The following FGF12 variants were observed in gnomAD, a reference collection of about 807,000 sequenced individuals.
FGF12 encodes fibroblast growth factor 12B.
Under a neutral mutation model 23.6 loss-of-function variants are expected in FGF12, and 14 were observed. That is an observed-to-expected ratio of 0.59 (90% CI 0.39 to 0.93). FGF12 has a LOEUF of 0.93. Among genes scored for constraint, FGF12 ranks in the 40% least tolerant of loss-of-function variants. FGF12 has a pLI of 0.00. For missense variants in FGF12, 175 were observed against 217.8 expected, an observed-to-expected ratio of 0.80 and a Z score of 1.24; for synonymous variants, 62 against 77.3, an observed-to-expected ratio of 0.80 and a Z score of 1.04.
At chr3:192,195,944 G>A (rs1397366663) in intron 4 of FGF12, among the ~76,000 whole-genome samples, 1 of 152,116 alleles carries the variant, frequency 6.6e-6, no homozygotes, top group Non-Finnish European at 1.5e-5. Flanking sequence ...CTATAGAAGA[G>A]ATCTCTTGAA....
intron 2 of FGF12, among the ~76,000 whole-genome samples, chr3:192,519,838 T>C (rs570946647): frequency 6.6e-6 from 1 of 152,386 alleles, no homozygotes; most frequent in Admixed American, 6.5e-5. Context: ...AATCCAATAC[T>C]ATCATTATTT....
intron 2 of FGF12, among the ~76,000 whole-genome samples, chr3:192,494,684 C>T (rs979378535): frequency 2.6e-5 from 4 of 152,104 alleles, no homozygotes; most frequent in Admixed American, 2.6e-4. Context: ...ATGGTACAAC[C>T]TACTGTATCA....
Position 192,334,276 on chromosome 3 carries a change from T to C in FGF12, c.228+1085A>G, listed in dbSNP as rs1717278351. Among the ~76,000 whole-genome samples, 4 of 152,062 alleles carry C rather than the reference T, an allele frequency of 2.6e-5. No individual in the cohort carries two copies. The South Asian group carries it at 8.3e-4, about 31-fold the overall frequency. ...TTCTGTGCAGCATGTAAAAACACCA[T>C]ATTTGAGAGTATCAATTTCTGAGCT... On this transcript the variant is annotated intron_variant, in intron 4 of 5. Transcript: ENST00000445105.
At chr3:192,717,453 A>C (rs1045075342) in intron 2 of FGF12, among the ~76,000 whole-genome samples, 1 of 152,240 alleles carries the variant, frequency 6.6e-6, no homozygotes, top group Non-Finnish European at 1.5e-5. Flanking sequence ...AGACTCAGTT[A>C]TCTTTCCAAA....
chr3:192,306,420 C>T (rs1283279420), intron 4 of FGF12, among the ~76,000 whole-genome samples: 1 of 152,070 alleles, frequency 6.6e-6, no homozygotes, highest in Non-Finnish European at 1.5e-5. Flanking sequence ...CAAAAAGGGG[C>T]ATCATTTTTC....
intron 2 of FGF12, among the ~76,000 whole-genome samples, chr3:192,463,292 T>C (rs1324129048): frequency 3.9e-5 from 6 of 152,048 alleles, no homozygotes; most frequent in Non-Finnish European, 5.9e-5. Context: ...TGGTGGCACA[T>C]ACCTGTAGTC....
At chr3:192,146,167 ACAAAAATCTCCTTTTT>A (rs1446425003) in intron 5 of FGF12, among the ~76,000 whole-genome samples, 1 of 152,206 alleles carries the variant, frequency 6.6e-6, no homozygotes, top group Non-Finnish European at 1.5e-5. Context: ...CAATGAATTT[ACAAAAATCTCCTTTTT>A]CAAAAATAAT....
intron 2 of FGF12, among the ~76,000 whole-genome samples, chr3:192,680,328 C>T (rs913396744): frequency 6.6e-6 from 1 of 152,138 alleles, no homozygotes; most frequent in African/African-American, 2.4e-5. Flanking sequence ...GGAAATGGTG[C>T]AAAGGGCACA....
intron 2 of FGF12, among the ~76,000 whole-genome samples, chr3:192,615,114 G>A (rs1009346603): frequency 5.9e-5 from 9 of 151,844 alleles, no homozygotes; most frequent in East Asian, 1.9e-4. Flanking sequence ...TGGGACAGCC[G>A]CCATCTTTTG....
chr3:192,416,753 T>C (rs1391205487), intron 2 of FGF12, among the ~76,000 whole-genome samples: 1 of 152,048 alleles, frequency 6.6e-6, no homozygotes, highest in African/African-American at 2.4e-5. Context: ...AAAACAATAT[T>C]CCCCTGTGCC....
intron 4 of FGF12, among the ~76,000 whole-genome samples, chr3:192,207,790 T>C (rs1717731294): frequency 6.6e-6 from 1 of 152,140 alleles, no homozygotes; most frequent in Non-Finnish European, 1.5e-5. Flanking sequence ...GAGTGGCTGA[T>C]GAATTAGAGT....
At chr3:192,270,786 G>GGGAAGGAAGGAA (rs57509999) in intron 4 of FGF12, among the ~76,000 whole-genome samples, 45 of 149,916 alleles carry the variant, frequency 3.0e-4, no homozygotes, top group African/African-American at 1.1e-3. Context: ...GAAGAAAAGT[G>GGGAAGGAAGGAA]GGAAGGAAGG....
intron 4 of FGF12, among the ~76,000 whole-genome samples, chr3:192,208,825 T>C (rs1260316012): frequency 6.6e-6 from 1 of 152,214 alleles, no homozygotes; most frequent in Non-Finnish European, 1.5e-5. Flanking sequence ...TGCTTCTCAG[T>C]TGCCACGTGA....
chr3:192,474,384 G>A (rs893151384), intron 2 of FGF12, among the ~76,000 whole-genome samples: 2 of 152,094 alleles, frequency 1.3e-5, no homozygotes, highest in African/African-American at 4.8e-5. Context: ...TGGCTTCCCA[G>A]ACCACAAGTT....
chr3:192,521,696 C>T (rs1724817091), intron 2 of FGF12, among the ~76,000 whole-genome samples: 1 of 152,084 alleles, frequency 6.6e-6, no homozygotes, highest in African/African-American at 2.4e-5. Context: ...GTAAACTTTC[C>T]CTCCTATCTC....
intron 2 of FGF12, among the ~76,000 whole-genome samples, chr3:192,505,195 G>T (rs1295354826): frequency 6.6e-6 from 1 of 151,916 alleles, no homozygotes; most frequent in African/African-American, 2.4e-5. Context: ...AAACAAAAAT[G>T]ATTCACTATT....
At chr3:192,688,684 T>G (rs1056551719) in intron 2 of FGF12, among the ~76,000 whole-genome samples, 1 of 152,080 alleles carries the variant, frequency 6.6e-6, no homozygotes, top group South Asian at 2.1e-4. Context: ...AGTATAGAGA[T>G]TTCTGAAAAA....
At chr3:192,350,338 C>A (rs1718162718) in intron 3 of FGF12, among the ~76,000 whole-genome samples, 1 of 151,670 alleles carries the variant, frequency 6.6e-6, no homozygotes, top group African/African-American at 2.4e-5. Context: ...ATAACATAAG[C>A]AAGTATAGGA....
chr3:192,249,632 T>C (rs1161008389), intron 4 of FGF12, among the ~76,000 whole-genome samples: 5 of 152,110 alleles, frequency 3.3e-5, no homozygotes, highest in African/African-American at 9.7e-5. Flanking sequence ...TTGTTTTCCA[T>C]GGTGCTTGTA....
Sources: allele counts gnomAD v4.1 joint callset (sites outside exome capture counted in the v4.1 genomes callset), GRCh38; gene constraint gnomAD v4.1.1; transcripts MANE v1.5; gene names NCBI Gene and HGNC (gene_info 2026-07-23, HGNC 2026-07-21).